Variants in HDAC9 observed in about 807,000 individuals in gnomAD.
HDAC9 encodes MEF-2 interacting transcription repressor (MITR) protein.
HDAC9 carries 41 observed loss-of-function variants against 139.4 expected under a neutral mutation model. The observed-to-expected ratio is 0.29, with a 90% CI of 0.23 to 0.38. HDAC9 has a LOEUF of 0.38. Among genes scored for constraint, HDAC9 ranks in the 10% least tolerant of loss-of-function variants. HDAC9 has a pLI of 1.00. For missense variants in HDAC9, 1,147 were observed against 1,297.0 expected, an observed-to-expected ratio of 0.88 and a Z score of 1.78; for synonymous variants, 517 against 476.2, an observed-to-expected ratio of 1.09 and a Z score of -1.12.
At chr7:18,552,386 G>C (rs754171447) in intron 2 of HDAC9, among the ~76,000 whole-genome samples, 1 of 151,788 alleles carries the variant, frequency 6.6e-6, no homozygotes, top group Non-Finnish European at 1.5e-5. Context: ...AGGATTCTGA[G>C]TTTCCACTTA....
chr7:18,324,304 T>C (rs1423288542), intron 1 of HDAC9, among the ~76,000 whole-genome samples: 1 of 152,176 alleles, frequency 6.6e-6, no homozygotes, highest in Admixed American at 6.5e-5. Flanking sequence ...GATGTGATTA[T>C]AGAAGAAGCT....
intron 12 of HDAC9, among the ~76,000 whole-genome samples, chr7:18,709,665 T>C (rs1784203130): frequency 6.6e-6 from 1 of 152,220 alleles, no homozygotes; most frequent in East Asian, 1.9e-4. Context: ...TGACTGTGAA[T>C]AAACCAGACA....
At chr7:18,656,583 T>C (rs889410403) in intron 11 of HDAC9, among the ~76,000 whole-genome samples, 8 of 152,156 alleles carry the variant, frequency 5.3e-5, no homozygotes, top group Non-Finnish European at 4.4e-5. Flanking sequence ...AACCTTTTTG[T>C]TTAATAATTC....
Position 18,239,494 on chromosome 7 carries a change from T to C in HDAC9, c.25+77145T>C, listed in dbSNP as rs990961023. Among the ~76,000 whole-genome samples the C allele has an allele frequency of 3.9e-5, 6 of 152,168 alleles. 1 individual carries two copies. The highest frequency in any genetic ancestry group is 4.1e-4 in the South Asian group (2 of 4,832). ...TGTACATAAAAGCTGACCAAGGACT[T>C]TGTGAAAACTTTGGGCTGCCTTCCT... On this transcript the variant is annotated intron_variant, in intron 2 of 12. Coordinates refer to the HDAC9 transcript ENST00000417496.
At chr7:18,684,434 G>T (rs1046283257) in intron 12 of HDAC9, among the ~76,000 whole-genome samples, 1 of 151,592 alleles carries the variant, frequency 6.6e-6, no homozygotes, top group East Asian at 2.0e-4. Flanking sequence ...GAGCCCAGGA[G>T]TTCAAGACCA....
chr7:18,835,747 A>T lies in HDAC9; in HGVS notation c.2587-153A>T. The T allele has an allele frequency of 2.8e-6, 3 of 1,061,116 alleles. No homozygotes were observed. In the African/African-American group the frequency reaches 4.7e-5, roughly 17 times the overall value. 65.7% of individuals were successfully genotyped at this position (1,061,116 alleles called of 1,614,324 possible). ...AGAACCAGTGCAGAACAAGTGCATA[A>T]CCCAGAGCACTGTTTGTCAGGGAAG... On this transcript the variant is annotated intron_variant, in intron 20 of 25. Coordinates refer to ENST00000686413, the MANE Select transcript of HDAC9 (RefSeq NM_178425.4).
At chr7:18,266,463 A>G (rs1796009902) in intron 2 of HDAC9, among the ~76,000 whole-genome samples, 1 of 152,168 alleles carries the variant, frequency 6.6e-6, no homozygotes, top group African/African-American at 2.4e-5. Context: ...CAACTCAAAC[A>G]ATTGCACAAG....
At chr7:18,867,911 C>T (rs974924461) in intron 21 of HDAC9, among the ~76,000 whole-genome samples, 3 of 152,044 alleles carry the variant, frequency 2.0e-5, no homozygotes, top group African/African-American at 4.8e-5. Context: ...TTCTTCAGAT[C>T]GTCTACTAAT....
intron 2 of HDAC9, among the ~76,000 whole-genome samples, chr7:18,261,533 C>G (rs1176313455): frequency 1.3e-5 from 2 of 152,150 alleles, no homozygotes; most frequent in Non-Finnish European, 2.9e-5. Context: ...CAGGCTGTTA[C>G]TCTGTGAGAA....
At chr7:18,343,192 TC>T (rs1444244011) in intron 1 of HDAC9, among the ~76,000 whole-genome samples, 2 of 151,806 alleles carry the variant, frequency 1.3e-5, no homozygotes, top group Admixed American at 1.3e-4. Context: ...TTAACATATC[TC>T]TATGGTATCT....
intron 2 of HDAC9, among the ~76,000 whole-genome samples, chr7:18,565,120 C>A (rs1821877918): frequency 1.3e-5 from 2 of 152,020 alleles, no homozygotes; most frequent in South Asian, 2.1e-4. Context: ...CCTTGGCCTT[C>A]CGAGTAGCTT....
chr7:18,890,393 C>T (rs10274006), intron 22 of HDAC9, among the ~76,000 whole-genome samples: 42,865 of 152,018 alleles, frequency 0.28, 6,040 homozygotes, highest in South Asian at 0.33. Flanking sequence ...CTACAATACA[C>T]GAGTCATAGA....
chr7:18,543,584 T>C (rs1693596628), intron 2 of HDAC9: 1 of 152,194 alleles, frequency 6.6e-6, no homozygotes, highest in South Asian at 2.1e-4. Flanking sequence ...TCATATTTTC[T>C]GGTATTCATT....
chr7:18,274,814 C>T (rs1164493042), intron 2 of HDAC9, among the ~76,000 whole-genome samples: 1 of 152,072 alleles, frequency 6.6e-6, no homozygotes, highest in African/African-American at 2.4e-5. Flanking sequence ...CATAACACTG[C>T]TATATATTCT....
chr7:18,987,964 C>T (rs1785512675), intron 25 of HDAC9, among the ~76,000 whole-genome samples: 1 of 152,016 alleles, frequency 6.6e-6, no homozygotes, highest in Admixed American at 6.6e-5. Flanking sequence ...CCCTTTTCTT[C>T]TTTATTAGTC....
Position 18,647,924 on chromosome 7 carries a change from A to G in HDAC9, c.1175A>G (p.Asn392Ser), listed in dbSNP as rs1004474938. The change falls in exon 10 of 26, where the codon AAC (asparagine) becomes AGC (serine). Residue 392 changes from asparagine to serine, a missense_variant. Transcript: ENST00000686413. The stretch of plus-strand genomic sequence containing the variant: ...GTTACTTTAGAGGGAAAGCCACCCA[A>G]CAGCAGCCACCAGGCTCTCCTGCAG... ...PHVTLEGKPP[N>S]SSHQALLQHL... is the part of the protein sequence containing the mutation. The G allele has an allele frequency of 5.0e-6, 8 of 1,612,804 alleles. No individual in the cohort carries two copies. In the African/African-American group the frequency reaches 1.1e-4, roughly 22 times the overall value.
chr7:18,894,943 G>A (rs753482639), intron 22 of HDAC9, among the ~76,000 whole-genome samples: 5 of 152,158 alleles, frequency 3.3e-5, no homozygotes, highest in Middle Eastern at 3.4e-3. Context: ...GTGTAATGGT[G>A]GGAGATATAT....
intron 21 of HDAC9, among the ~76,000 whole-genome samples, chr7:18,860,562 T>C (rs985529187): frequency 1.3e-5 from 2 of 152,202 alleles, no homozygotes; most frequent in African/African-American, 4.8e-5. Flanking sequence ...CAAAGTTAAA[T>C]ACTTTGTTCT....
At chr7:18,749,359 G>C (rs1329620009) in intron 14 of HDAC9, among the ~76,000 whole-genome samples, 2 of 152,208 alleles carry the variant, frequency 1.3e-5, no homozygotes, top group Non-Finnish European at 2.9e-5. Flanking sequence ...GCTGCCTGAT[G>C]TGTGTGTTCC....
Sources: gnomAD v4.1 joint callset for allele counts (sites outside exome capture counted in the v4.1 genomes callset) on GRCh38, gnomAD v4.1.1 for gene constraint, MANE v1.5 for transcripts, NCBI Gene and HGNC (gene_info 2026-07-23, HGNC 2026-07-21) for gene names.